PTPRN2: variants seen among roughly 807,000 people sequenced by gnomAD.
PTPRN2 encodes receptor-type tyrosine-protein phosphatase N2.
Under a neutral mutation model 118.8 loss-of-function variants are expected in PTPRN2, and 74 were observed. That is an observed-to-expected ratio of 0.62 (90% CI 0.52 to 0.76). The LOEUF (loss-of-function observed/expected upper bound fraction) is 0.76, where lower values mean the gene tolerates loss of function less well. Among genes scored for constraint, PTPRN2 ranks in the 30% least tolerant of loss-of-function variants. The pLI, the probability that PTPRN2 is intolerant of heterozygous loss-of-function variation, is 0.00. For synonymous variants in PTPRN2, 641 were observed against 608.0 expected (o/e 1.05, Z -0.80); for missense variants, 1,481 against 1,394.4 (o/e 1.06, Z -0.99).
At chr7:158,113,181 T>A (rs146425390) in intron 9 of PTPRN2, among the ~76,000 whole-genome samples, 29 of 151,752 alleles carry the variant, frequency 1.9e-4, no homozygotes, top group African/African-American at 6.0e-4. Context: ...TCCAGAGAGA[T>A]GAGGATGGGG....
chr7:158,265,129 G>A (rs116217645), intron 3 of PTPRN2, among the ~76,000 whole-genome samples: 3,334 of 152,112 alleles, frequency 0.022, 126 homozygotes, highest in African/African-American at 0.073. Context: ...TATGTGTTCC[G>A]CAGGCCCCTG....
chr7:157,753,103 G>A (rs901233666), intron 12 of PTPRN2, among the ~76,000 whole-genome samples: 10 of 152,208 alleles, frequency 6.6e-5, no homozygotes, highest in African/African-American at 1.2e-4. Flanking sequence ...CCAGGCCTGC[G>A]TGCAGGGGGC....
intron 11 of PTPRN2, among the ~76,000 whole-genome samples, chr7:157,954,821 A>G (rs988762050): frequency 6.6e-6 from 1 of 152,176 alleles, no homozygotes; most frequent in Non-Finnish European, 1.5e-5. Flanking sequence ...TTAGAACCAA[A>G]TCAGGTGAGG....
intron 2 of PTPRN2, among the ~76,000 whole-genome samples, chr7:158,337,989 A>G (rs1806017522): frequency 1.9e-5 from 1 of 52,340 alleles, no homozygotes; most frequent in African/African-American, 7.0e-5. Flanking sequence ...ACTCACACCC[A>G]CACTCTCACC....
At chr7:157,541,652 G>A (rs1798020013) in intron 22 of PTPRN2, among the ~76,000 whole-genome samples, 1 of 152,216 alleles carries the variant, frequency 6.6e-6, no homozygotes, top group African/African-American at 2.4e-5. Flanking sequence ...CTGAGAACGC[G>A]TGGACGGAAA....
rs567102812 is a variant in PTPRN2, at chr7:158,506,100, C to T, written c.113-16315G>A. On this transcript the variant is annotated intron_variant, in intron 1 of 22. Transcript: ENST00000389418. ...GTGCTCTGGTACAGGGCACACAAGG[C>T]CGGTGCTGAGACACTGTGCAGCTGG... Among the ~76,000 whole-genome samples the T allele has an allele frequency of 2.6e-3, 373 of 145,316 alleles. 9 individuals carry two copies. The East Asian group carries it at 0.041, about 16-fold the overall frequency.
intron 2 of PTPRN2, among the ~76,000 whole-genome samples, chr7:158,441,210 G>GTGGTGA (rs1478507322): frequency 3.2e-4 from 33 of 103,988 alleles, no homozygotes; most frequent in South Asian, 2.9e-3. Context: ...GATGGTGGTG[G>GTGGTGA]TGGTGATGGT....
intron 11 of PTPRN2, among the ~76,000 whole-genome samples, chr7:158,008,760 C>G (rs1349547531): frequency 5.9e-5 from 9 of 152,224 alleles, no homozygotes; most frequent in Admixed American, 5.9e-4. Flanking sequence ...TTCAGTGACT[C>G]TAGTATCACC....
intron 2 of PTPRN2, among the ~76,000 whole-genome samples, chr7:158,324,228 C>T (rs1053689298): frequency 4.6e-5 from 7 of 152,292 alleles, no homozygotes; most frequent in African/African-American, 9.6e-5. Context: ...CCGGTGACAC[C>T]GTGAGTTCCT....
rs113253922 is a variant in PTPRN2, at chr7:158,134,176, G to A, written c.1174-117C>T. 4 of 1,198,050 alleles carry A rather than the reference G, an allele frequency of 3.3e-6. No homozygotes were observed. In the African/African-American group the frequency reaches 6.1e-5, roughly 18 times the overall value. The allele number at this position is 1,198,050 out of a possible 1,614,324, so 74.2% of individuals were successfully genotyped here. The stretch of plus-strand genomic sequence containing the variant: ...GGGGATGACATGGGCAGCCTGGAAG[G>A]AGAGTGTGGGAGGAAGGCGAAGTGT... On this transcript the variant is annotated intron_variant, in intron 8 of 22. Coordinates refer to ENST00000389418, the MANE Select transcript of PTPRN2 (RefSeq NM_002847.5).
At chr7:157,906,760 G>T (rs1797792663) in intron 11 of PTPRN2, among the ~76,000 whole-genome samples, 1 of 152,216 alleles carries the variant, frequency 6.6e-6, no homozygotes, top group Non-Finnish European at 1.5e-5. Context: ...ACCACGGGCG[G>T]TGTGGAGGAT....
At chr7:158,318,156 C>T (rs1214318857) in intron 2 of PTPRN2, among the ~76,000 whole-genome samples, 1 of 152,160 alleles carries the variant, frequency 6.6e-6, no homozygotes, top group Non-Finnish European at 1.5e-5. Flanking sequence ...CGGCGCCCCC[C>T]ACCGTCCGTG....
intron 12 of PTPRN2, among the ~76,000 whole-genome samples, chr7:157,797,118 C>T (rs1182013357): frequency 6.6e-6 from 1 of 152,220 alleles, no homozygotes; most frequent in Non-Finnish European, 1.5e-5. Flanking sequence ...CTCAACACGG[C>T]CCACGGCTGT....
chr7:158,481,385 A>G (rs1422366559), intron 2 of PTPRN2, among the ~76,000 whole-genome samples: 1 of 152,232 alleles, frequency 6.6e-6, no homozygotes, highest in Non-Finnish European at 1.5e-5. Flanking sequence ...CTGTACAAGG[A>G]GGTGGGTGTT....
rs1585183493 is a variant in PTPRN2, at chr7:158,003,554, C to T, written c.1723+77744G>A. 6.6e-6 allele frequency among the ~76,000 whole-genome samples: 1 copy of T among 152,118 alleles called. No homozygotes were observed. Among genetic ancestry groups the T allele is most frequent in the Non-Finnish European group, 1.5e-5 (1 of 68,000 alleles). On this transcript the variant is annotated intron_variant, in intron 11 of 22. Transcript: ENST00000389418. This position sits in a 1 kb window ranked among gnomAD's most constrained non-coding sequence, Gnocchi z 5.0. Reference sequence around the variant, plus strand: ...GAGGACGTGGCCACGACGCAGCCACCGTGAGCCAGGGAATGCGGCCCCAGG... The same window carrying T: ...GAGGACGTGGCCACGACGCAGCCACTGTGAGCCAGGGAATGCGGCCCCAGG...
At chr7:158,032,224 G>A (rs548649437) in intron 11 of PTPRN2, among the ~76,000 whole-genome samples, 16 of 152,288 alleles carry the variant, frequency 1.1e-4, no homozygotes, top group African/African-American at 2.9e-4. Context: ...TTGCTTCGCC[G>A]GGAGCAGCAA....
At chr7:158,434,718 T>C (rs11977488) in intron 2 of PTPRN2, among the ~76,000 whole-genome samples, 2,137 of 152,304 alleles carry the variant, frequency 0.014, 52 homozygotes, top group African/African-American at 0.047. Flanking sequence ...GTTTTATTTT[T>C]CCTTTTATCC....
chr7:157,633,747 A>C (rs1258585108), intron 14 of PTPRN2, among the ~76,000 whole-genome samples: 1 of 152,030 alleles, frequency 6.6e-6, no homozygotes, highest in African/African-American at 2.4e-5. Context: ...CCACTCCGGG[A>C]GGAGGGAAGG....
chr7:157,564,399 G>A (rs1465721543), intron 21 of PTPRN2, among the ~76,000 whole-genome samples: 3 of 152,236 alleles, frequency 2.0e-5, no homozygotes, highest in Non-Finnish European at 2.9e-5. Flanking sequence ...GATTACAGGT[G>A]TGAGTCACAA....
Sources: gnomAD v4.1 joint callset for allele counts (sites outside exome capture counted in the v4.1 genomes callset) on GRCh38, gnomAD v4.1.1 for gene constraint, Gnocchi (gnomAD v3.1) non-coding constraint, MANE v1.5 for transcripts, NCBI Gene and HGNC (gene_info 2026-07-23, HGNC 2026-07-21) for gene names.